XRRA1: variants seen among roughly 807,000 people sequenced by gnomAD.
The protein encoded by XRRA1 is X-ray radiation resistance associated 1.
Under a neutral mutation model 80.2 loss-of-function variants are expected in XRRA1, and 69 were observed. The ratio of observed to expected loss-of-function variants is 0.86; its 90% CI spans 0.71 to 1.05. The LOEUF (loss-of-function observed/expected upper bound fraction) is 1.05, where lower values mean the gene tolerates loss of function less well. XRRA1 is among the 50% of genes least tolerant of loss of function. The pLI is 0.00. For synonymous variants in XRRA1, 348 were observed against 389.9 expected (o/e 0.89, Z 1.27); for missense variants, 967 against 976.4 (o/e 0.99, Z 0.13).
intron 10 of XRRA1, among the ~76,000 whole-genome samples, chr11:74,888,797 G>A (rs529661281): frequency 1.3e-5 from 2 of 152,278 alleles, no homozygotes; most frequent in African/African-American, 4.8e-5. Context: ...TCAACTGGAA[G>A]AAAGGGTATC....
At chr11:74,887,280 G>C (rs1253414527) in intron 10 of XRRA1, among the ~76,000 whole-genome samples, 1 of 152,146 alleles carries the variant, frequency 6.6e-6, no homozygotes, top group Non-Finnish European at 1.5e-5. Flanking sequence ...AGAGTAAACA[G>C]ATAAAGTATA....
intron 8 of XRRA1, chr11:74,920,130 GAC>G (rs1393260122): frequency 6.4e-6 from 1 of 156,842 alleles, no homozygotes; most frequent in African/African-American, 2.4e-5. Flanking sequence ...TGCACGCAGA[GAC>G]CTGACAACAT....
intron 18 of XRRA1, 43 bp downstream of exon 18, chr11:74,843,811 G>C (rs770203301): frequency 6.5e-7 from 1 of 1,542,456 alleles, no homozygotes; most frequent in Non-Finnish European, 8.9e-7. Context: ...GCCAGCAGGC[G>C]TGAACTGGAT....
chr11:74,899,195 T>A (rs932857912), intron 10 of XRRA1, among the ~76,000 whole-genome samples: 11 of 152,128 alleles, frequency 7.2e-5, no homozygotes, highest in African/African-American at 2.7e-4. Flanking sequence ...ATGGAAATTT[T>A]AAAATTTTCT....
intron 14 of XRRA1, among the ~76,000 whole-genome samples, chr11:74,849,971 A>G (rs1379091637): frequency 6.6e-6 from 1 of 152,220 alleles, no homozygotes; most frequent in Non-Finnish European, 1.5e-5. Context: ...ACATGCAGGC[A>G]TCCCCAGTCT....
intron 10 of XRRA1, among the ~76,000 whole-genome samples, chr11:74,895,381 C>G (rs1341081984): frequency 1.3e-5 from 2 of 152,228 alleles, no homozygotes; most frequent in African/African-American, 4.8e-5. Flanking sequence ...GGACTAGCCC[C>G]TAGCCAGAGG....
intron 10 of XRRA1, among the ~76,000 whole-genome samples, chr11:74,868,262 C>T (rs187499985): frequency 6.6e-6 from 1 of 152,236 alleles, no homozygotes; most frequent in South Asian, 2.1e-4. Flanking sequence ...AATTTCATAT[C>T]CAGCCAAGCT....
At chr11:74,850,585 G>C (rs1264509735) in intron 14 of XRRA1, among the ~76,000 whole-genome samples, 3 of 152,198 alleles carry the variant, frequency 2.0e-5, no homozygotes, top group Non-Finnish European at 2.9e-5. Context: ...AAATTCTTCA[G>C]ATGAAAGAGG....
chr11:74,862,691 T>C (rs2042556917), intron 11 of XRRA1, among the ~76,000 whole-genome samples: 1 of 152,198 alleles, frequency 6.6e-6, no homozygotes, highest in Non-Finnish European at 1.5e-5. Context: ...TATTACATTA[T>C]GCTAAACAGC....
intron 10 of XRRA1, among the ~76,000 whole-genome samples, chr11:74,865,472 C>G (rs1188935535): frequency 6.6e-6 from 1 of 152,046 alleles, no homozygotes; most frequent in African/African-American, 2.4e-5. Context: ...GGGAATTATT[C>G]CATCTGTGCG....
At position 74,945,404 on chromosome 11, in the gene XRRA1, C is replaced by A. The variant is rs529412095; in HGVS notation, c.-72-319G>T. ...ATTATTTACACAAAATAAATTTCTG[C>A]CAGATAAAAATAGGAAAGTCAAAGT... On this transcript the variant is annotated intron_variant, in intron 1 of 18. Transcript: ENST00000684022. Among the ~76,000 whole-genome samples, 26 of 152,202 alleles carry A rather than the reference C, an allele frequency of 1.7e-4. No individual in the cohort carries two copies. In the South Asian group the frequency reaches 5.4e-3, roughly 32 times the overall value.
At chr11:74,851,054 C>A in intron 14 of XRRA1, 34 bp downstream of exon 14, 1 of 1,565,226 alleles carries the variant, frequency 6.4e-7, no homozygotes, top group South Asian at 1.2e-5. Flanking sequence ...CTGCACTCTT[C>A]CTGGGGGTGG....
intron 15 of XRRA1, chr11:74,846,300 T>G (rs1314399201): frequency 6.6e-6 from 1 of 152,016 alleles, no homozygotes; most frequent in African/African-American, 2.4e-5. Context: ...AAAGCTGAAT[T>G]AGCAATTTTT....
chr11:74,852,066 G>A lies in XRRA1; in HGVS notation c.1187C>T (p.Ala396Val). 2.5e-6 allele frequency: 4 copies of A among 1,613,906 alleles called. No homozygotes were observed. Among genetic ancestry groups the A allele is most frequent in the Non-Finnish European group, 1.7e-6 (2 of 1,179,812 alleles). Reference sequence around the variant, plus strand: ...TGGGAAGAGAGCTACTGGTAGGACAGCATCCTCTTTTGCGATCTGTAATGA... The same window carrying A: ...TGGGAAGAGAGCTACTGGTAGGACAACATCCTCTTTTGCGATCTGTAATGA... Reference protein sequence around the residue: ...LAYNKIAKEDAVLPVALFPSL... With the variant: ...LAYNKIAKEDVVLPVALFPSL... The change falls in exon 13 of 19, where the codon GCT (alanine) becomes GTT (valine). Residue 396 changes from alanine to valine, a missense_variant. Ala to Val is a moderately conservative substitution (Grantham distance 64, BLOSUM62 0). Coordinates refer to ENST00000684022, the MANE Select transcript of XRRA1 (RefSeq NM_001378157.1).
chr11:74,885,865 A>G (rs1193309999), intron 10 of XRRA1, among the ~76,000 whole-genome samples: 1 of 152,248 alleles, frequency 6.6e-6, no homozygotes, highest in Non-Finnish European at 1.5e-5. Context: ...TTTATCCACC[A>G]TGATCAAGTA....
chr11:74,865,341 T>A (rs2043178720), intron 10 of XRRA1, among the ~76,000 whole-genome samples: 1 of 152,200 alleles, frequency 6.6e-6, no homozygotes, highest in South Asian at 2.1e-4. Flanking sequence ...CTATCCTATC[T>A]GTGCAGGAAC....
chr11:74,931,722 A>T (rs895762742), intron 5 of XRRA1: 1 of 152,176 alleles, frequency 6.6e-6, no homozygotes, highest in Non-Finnish European at 1.5e-5. Flanking sequence ...TTTTATTACA[A>T]ACAATTATGT....
intron 12 of XRRA1, 60 bp downstream of exon 12, chr11:74,859,098 A>G (rs1053720168): frequency 3.3e-6 from 5 of 1,515,272 alleles, no homozygotes; most frequent in African/African-American, 1.4e-5. Flanking sequence ...GGCCAGAGCA[A>G]CTTGCATCCC....
intron 11 of XRRA1, among the ~76,000 whole-genome samples, chr11:74,861,151 C>T (rs2042211820): frequency 6.6e-6 from 1 of 152,190 alleles, no homozygotes; most frequent in Non-Finnish European, 1.5e-5. Flanking sequence ...CATGAAAGCT[C>T]TCAGACCTCA....
Sources: allele counts gnomAD v4.1 joint callset (sites outside exome capture counted in the v4.1 genomes callset), GRCh38; gene constraint gnomAD v4.1.1; transcripts MANE v1.5; gene names NCBI Gene and HGNC (gene_info 2026-07-23, HGNC 2026-07-21).